ANKIB1: variants seen among roughly 807,000 people sequenced by gnomAD.
ANKIB1 encodes ankyrin repeat and IBR domain containing 1.
Under a neutral mutation model 122.1 loss-of-function variants are expected in ANKIB1, and 43 were observed. The observed-to-expected ratio is 0.35, with a 90% CI of 0.28 to 0.45. The LOEUF (loss-of-function observed/expected upper bound fraction) is 0.45. Ranked by LOEUF, ANKIB1 falls within the 20% of genes least tolerant of loss-of-function variation. The pLI is 1.00. For synonymous variants in ANKIB1, 390 were observed against 442.0 expected (o/e 0.88, Z 1.48); for missense variants, 992 against 1,329.5 (o/e 0.75, Z 3.95).
chr7:92,356,801 C>T (rs998591820), intron 9 of ANKIB1, among the ~76,000 whole-genome samples: 2 of 152,162 alleles, frequency 1.3e-5, no homozygotes, highest in Non-Finnish European at 2.9e-5. Context: ...GGTTACTGAA[C>T]CTCTCTGTGC....
intron 1 of ANKIB1, among the ~76,000 whole-genome samples, chr7:92,282,376 C>A (rs193050270): frequency 2.0e-5 from 3 of 152,094 alleles, no homozygotes; most frequent in Non-Finnish European, 4.4e-5. Context: ...GCTGGTCTTG[C>A]CAAGCAATCC....
At chr7:92,323,596 A>G (rs552855552) in intron 4 of ANKIB1, among the ~76,000 whole-genome samples, 154 of 152,298 alleles carry the variant, frequency 1.0e-3, no homozygotes, top group African/African-American at 3.6e-3. Flanking sequence ...TATTTTCACA[A>G]TGTAAAGAGT....
intron 19 of ANKIB1, 21 bp downstream of exon 19, chr7:92,397,880 C>T (rs1562802990): frequency 6.3e-7 from 1 of 1,596,048 alleles, no homozygotes; most frequent in Non-Finnish European, 8.5e-7. Flanking sequence ...TGAACAGCCT[C>T]ATTGCCTGTG....
At chr7:92,263,628 T>G (rs1390744000) in intron 1 of ANKIB1, among the ~76,000 whole-genome samples, 1 of 152,200 alleles carries the variant, frequency 6.6e-6, no homozygotes, top group African/African-American at 2.4e-5. Context: ...TCAATACCTC[T>G]CTCAAGTTTC....
chr7:92,394,646 A>G (rs1401808199), intron 17 of ANKIB1, among the ~76,000 whole-genome samples: 2 of 152,122 alleles, frequency 1.3e-5, no homozygotes, highest in Admixed American at 6.5e-5. Context: ...TTTTCACACC[A>G]TCTTTGTCTA....
At chr7:92,365,232 T>C (rs1804044850) in intron 10 of ANKIB1, among the ~76,000 whole-genome samples, 1 of 152,130 alleles carries the variant, frequency 6.6e-6, no homozygotes, top group Admixed American at 6.5e-5. Flanking sequence ...ATTGTTCATG[T>C]ATGTGATAAC....
intron 3 of ANKIB1, among the ~76,000 whole-genome samples, chr7:92,314,342 A>G (rs577054645): frequency 6.6e-6 from 1 of 152,100 alleles, no homozygotes; most frequent in Non-Finnish European, 1.5e-5. Flanking sequence ...GAGTGATATT[A>G]TGAAAGCAAA....
Position 92,362,259 on chromosome 7 carries a change from T to G in ANKIB1, c.1472T>G (p.Met491Arg), listed in dbSNP as rs1265574397. Reference protein sequence around the residue: ...WKNWLQKITEMKPEELVGVSE... With the variant: ...WKNWLQKITERKPEELVGVSE... ...AATTGGCTGCAAAAAATAACCGAAA[T>G]GAAACCAGAAGAACGTAAGAGGAAT... is the stretch of plus-strand genomic sequence containing the variant. Residue 491 changes from methionine to arginine, a missense_variant, in exon 10 of 20, where the codon ATG (methionine) becomes AGG (arginine). By Grantham distance (91) the Met-to-Arg change is moderately conservative. Coordinates refer to ENST00000265742, the MANE Select transcript of ANKIB1 (RefSeq NM_019004.2). The G allele has an allele frequency of 6.3e-7, 1 of 1,590,440 alleles. No individual in the cohort carries two copies. Among genetic ancestry groups the G allele is most frequent in the Non-Finnish European group, 8.6e-7 (1 of 1,167,896 alleles).
intron 3 of ANKIB1, among the ~76,000 whole-genome samples, chr7:92,310,670 A>G (rs1204523809): frequency 6.6e-6 from 1 of 152,228 alleles, no homozygotes; most frequent in Non-Finnish European, 1.5e-5. Flanking sequence ...AAAATGGCAC[A>G]GTATTTGCAT....
At chr7:92,349,826 G>T (rs892583718) in intron 7 of ANKIB1, among the ~76,000 whole-genome samples, 1 of 151,958 alleles carries the variant, frequency 6.6e-6, no homozygotes, top group Non-Finnish European at 1.5e-5. Flanking sequence ...TAAATAAATT[G>T]CTTAAGATCA....
intron 1 of ANKIB1, among the ~76,000 whole-genome samples, chr7:92,289,889 T>C (rs1406337944): frequency 6.6e-6 from 1 of 152,234 alleles, no homozygotes; most frequent in African/African-American, 2.4e-5. Flanking sequence ...CTATCTCGGC[T>C]CACTGCAACT....
intron 1 of ANKIB1, among the ~76,000 whole-genome samples, chr7:92,291,567 CTTTTTTTTTTTTT>C (rs1188174295): frequency 8.6e-6 from 1 of 116,522 alleles, no homozygotes; most frequent in Non-Finnish European, 1.8e-5. Flanking sequence ...TTTTCTTTTT[CTTTTTTTTTTTTT>C]TTTTTTTTGA....
intron 4 of ANKIB1, 53 bp downstream of exon 4, chr7:92,319,565 ATGT>A: frequency 6.5e-7 from 1 of 1,538,496 alleles, no homozygotes; most frequent in Non-Finnish European, 8.8e-7. Context: ...TTTAGATTTT[ATGT>A]TGTTTTGTAT....
chr7:92,396,260 A>G, intron 17 of ANKIB1, 105 bp from the exon 18 acceptor site: 2 of 700,672 alleles, frequency 2.9e-6, no homozygotes, highest in East Asian at 2.8e-5. Context: ...TAAGATGTGT[A>G]TAAAATCACA....
chr7:92,371,690 TGAGGG>T, intron 11 of ANKIB1, 83 bp downstream of exon 11: 2 of 1,458,224 alleles, frequency 1.4e-6, no homozygotes, highest in Non-Finnish European at 1.9e-6. Flanking sequence ...ATAAATTATT[TGAGGG>T]GGCCTGGTGC....
Position 92,398,338 on chromosome 7 carries a change from G to A in ANKIB1, c.2659G>A (p.Ala887Thr). ...DFLSNEASLG[A>T]IGTSLPSRLD... is the part of the protein sequence containing the mutation. ...CCTCAGTAATGAAGCATCCTTAGGT[G>A]CGATAGGCACTTCTTTACCTTCCAG... is the stretch of plus-strand genomic sequence containing the variant. Residue 887 changes from alanine (A) to threonine (T), a missense_variant, in exon 20 of 20, where the codon GCG becomes ACG. Ala to Thr is a moderately conservative substitution (Grantham distance 58). Coordinates refer to ENST00000265742, the MANE Select transcript of ANKIB1 (RefSeq NM_019004.2). 1 of 1,613,554 alleles carries A rather than the reference G, an allele frequency of 6.2e-7. No individual in the cohort carries two copies. The highest frequency in any genetic ancestry group is 8.5e-7 in the Non-Finnish European group (1 of 1,179,718).
chr7:92,340,952 G>A (rs1444196327), intron 5 of ANKIB1, among the ~76,000 whole-genome samples: 1 of 152,154 alleles, frequency 6.6e-6, no homozygotes, highest in Non-Finnish European at 1.5e-5. Context: ...TAAAAGAACT[G>A]TAACACCCAT....
intron 3 of ANKIB1, among the ~76,000 whole-genome samples, chr7:92,314,867 C>T (rs755630078): frequency 2.6e-5 from 4 of 152,078 alleles, no homozygotes; most frequent in Non-Finnish European, 5.9e-5. Flanking sequence ...AAGATTAATG[C>T]GCTAATTCTA....
Position 92,361,733 on chromosome 7 carries a change from A to T in ANKIB1, c.1398-452A>T, listed in dbSNP as rs941708390. Among the ~76,000 whole-genome samples, 8 of 152,014 alleles carry T rather than the reference A, an allele frequency of 5.3e-5. No homozygotes were observed. In the East Asian group the frequency reaches 1.5e-3, roughly 29 times the overall value. ...TTGGAATCTCATTTTTAGTGCCTCCATTGAAATGCTCCATCTCTCATTAGT... is the reference window on the plus strand; with the variant it reads ...TTGGAATCTCATTTTTAGTGCCTCCTTTGAAATGCTCCATCTCTCATTAGT... On this transcript the variant is annotated intron_variant, in intron 9 of 19. Transcript: ENST00000265742.
Sources: allele counts gnomAD v4.1 joint callset (sites outside exome capture counted in the v4.1 genomes callset), GRCh38; gene constraint gnomAD v4.1.1; transcripts MANE v1.5; gene names NCBI Gene and HGNC (gene_info 2026-07-23, HGNC 2026-07-21).